AFG2A: variants seen among roughly 807,000 people sequenced by gnomAD.
The protein encoded by AFG2A is ATPase family gene 2 protein homolog A.
At chr4:123,222,439 T>A in the AFG2A span, among the ~76,000 whole-genome samples, 1 of 152,104 alleles carries the variant, frequency 6.6e-6, no homozygotes, top group African/African-American at 2.4e-5. Flanking sequence ...TCTTAGCAAA[T>A]CCTAAGCTGG....
the AFG2A span, among the ~76,000 whole-genome samples, chr4:123,044,721 A>G: frequency 3.2e-4 from 48 of 152,068 alleles, no homozygotes; most frequent in Middle Eastern, 3.4e-3. Flanking sequence ...TCATATATTA[A>G]ACCTCTTAAT....
At chr4:123,167,371 G>A in the AFG2A span, among the ~76,000 whole-genome samples, 10 of 151,472 alleles carry the variant, frequency 6.6e-5, no homozygotes, top group Middle Eastern at 3.2e-3. Flanking sequence ...TTTTTGAGAC[G>A]GAGTCTCGCT....
chr4:123,090,490 GTTA>G, the AFG2A span: 1 of 1,436,302 alleles, frequency 7.0e-7, no homozygotes, highest in Non-Finnish European at 9.4e-7. Context: ...GATTTCTCTT[GTTA>G]TAGACTATAG....
At chr4:123,083,153 T>C in the AFG2A span, among the ~76,000 whole-genome samples, 3 of 152,108 alleles carry the variant, frequency 2.0e-5, no homozygotes, top group African/African-American at 7.2e-5. Context: ...CCCTTTCTTA[T>C]GTAGTGTGAT....
the AFG2A span, among the ~76,000 whole-genome samples, chr4:123,196,450 C>G: frequency 6.6e-6 from 1 of 152,026 alleles, no homozygotes; most frequent in African/African-American, 2.4e-5. Context: ...ATTCAGAGTA[C>G]CTCTTTCACA....
the AFG2A span, among the ~76,000 whole-genome samples, chr4:123,122,504 A>G: frequency 6.6e-6 from 1 of 152,210 alleles, no homozygotes; most frequent in Non-Finnish European, 1.5e-5. Flanking sequence ...GAATGGTTGT[A>G]TGGGTACTCA....
chr4:123,171,836 A>G, the AFG2A span, among the ~76,000 whole-genome samples: 1 of 152,040 alleles, frequency 6.6e-6, no homozygotes, highest in Non-Finnish European at 1.5e-5. Flanking sequence ...TTTTATATAT[A>G]TATAGAATTC....
chr4:123,004,293 G>A, the AFG2A span, among the ~76,000 whole-genome samples: 12 of 152,234 alleles, frequency 7.9e-5, no homozygotes, highest in South Asian at 2.1e-4. Context: ...TGCTTCGGCC[G>A]GCACACGGTG....
the AFG2A span, among the ~76,000 whole-genome samples, chr4:123,088,835 A>G: frequency 6.6e-6 from 1 of 152,190 alleles, no homozygotes; most frequent in Non-Finnish European, 1.5e-5. Flanking sequence ...GGAACTGTGA[A>G]TCAATTAAAC....
chr4:123,075,025 C>A, the AFG2A span, among the ~76,000 whole-genome samples: 1 of 152,090 alleles, frequency 6.6e-6, no homozygotes, highest in Non-Finnish European at 1.5e-5. Flanking sequence ...TTCACTGCAA[C>A]CTCTGCCTCC....
chr4:123,285,246 C>T, the AFG2A span, among the ~76,000 whole-genome samples: 15 of 152,222 alleles, frequency 9.9e-5, 1 homozygote, highest in African/African-American at 3.6e-4. Context: ...CTTCCTAAAG[C>T]CCTCTTTCAG....
chr4:122,979,645 G>A, the AFG2A span, among the ~76,000 whole-genome samples: 4 of 152,176 alleles, frequency 2.6e-5, no homozygotes, highest in African/African-American at 9.7e-5. Context: ...GCTCATGGCT[G>A]CAATCCCAGC....
the AFG2A span, chr4:123,256,813 T>C: frequency 1.0e-6 from 1 of 984,406 alleles, no homozygotes; most frequent in Non-Finnish European, 1.2e-6. Context: ...TAACATTTTT[T>C]CTCTCCTTAC....
the AFG2A span, among the ~76,000 whole-genome samples, chr4:123,115,887 C>T: frequency 1.3e-5 from 2 of 152,106 alleles, no homozygotes; most frequent in African/African-American, 4.8e-5. Flanking sequence ...GCTTAAGAAT[C>T]ATTTTGGGGA....
At chr4:123,244,348 C>T in the AFG2A span, among the ~76,000 whole-genome samples, 1 of 152,114 alleles carries the variant, frequency 6.6e-6, no homozygotes, top group African/African-American at 2.4e-5. Context: ...GAATAGAAAA[C>T]AGAAACAATG....
the AFG2A span, chr4:123,102,274 T>A: frequency 7.5e-6 from 1 of 134,152 alleles, no homozygotes; most frequent in Admixed American, 8.1e-5. Context: ...TGTGCAAAAG[T>A]GATTAACCAT....
At chr4:123,106,859 C>T in the AFG2A span, among the ~76,000 whole-genome samples, 20 of 152,346 alleles carry the variant, frequency 1.3e-4, no homozygotes, top group African/African-American at 4.8e-4. Flanking sequence ...CTGCCAAGGG[C>T]GAGCGAGGCG....
chr4:123,211,349 G>A, the AFG2A span, among the ~76,000 whole-genome samples: 4 of 152,246 alleles, frequency 2.6e-5, no homozygotes, highest in Non-Finnish European at 5.9e-5. Flanking sequence ...GGAGAAGAAT[G>A]TTCTGTGACA....
At chr4:122,999,838 T>C in the AFG2A span, among the ~76,000 whole-genome samples, 4 of 151,974 alleles carry the variant, frequency 2.6e-5, no homozygotes, top group Middle Eastern at 3.2e-3. Context: ...TCTCCAATTC[T>C]GTGAAGAAAG....
Sources: allele counts gnomAD v4.1 joint callset (sites outside exome capture counted in the v4.1 genomes callset), GRCh38; gene constraint gnomAD v4.1.1; transcripts MANE v1.5; gene names NCBI Gene and HGNC (gene_info 2026-07-23, HGNC 2026-07-21).